The following PLA2G4F variants were observed in gnomAD, a reference collection of about 807,000 sequenced individuals.
The protein encoded by PLA2G4F is cytosolic phospholipase A2 zeta.
In PLA2G4F, 105 loss-of-function variants were observed where a neutral mutation model predicts 103.1. That is an observed-to-expected ratio of 1.02 (90% CI 0.87 to 1.20). The LOEUF is 1.20. PLA2G4F is among the 50% of genes most tolerant of loss of function. PLA2G4F has a pLI of 0.00. For synonymous variants in PLA2G4F, 468 were observed against 441.1 expected (o/e 1.06, Z -0.76); for missense variants, 1,155 against 1,075.9 (o/e 1.07, Z -1.03).
At chr15:42,147,444 G>T in intron 12 of PLA2G4F, 98 bp from the exon 13 acceptor site, 1 of 1,397,518 alleles carries the variant, frequency 7.2e-7, no homozygotes, top group Non-Finnish European at 9.9e-7. Flanking sequence ...CCCACCACTT[G>T]CACTGCTGCC....
At chr15:42,151,164 T>C in intron 7 of PLA2G4F, 1 of 985,302 alleles carries the variant, frequency 1.0e-6, no homozygotes, top group Non-Finnish European at 1.2e-6. Flanking sequence ...GCCTCTTTAC[T>C]CATTGTGTTG....
rs1484635656 is a variant in PLA2G4F, at chr15:42,150,374, TC to T, written c.883del (p.Glu295ArgfsTer7). 2 of 1,603,656 alleles carry T rather than the reference TC, an allele frequency of 1.2e-6. No homozygotes were observed. Among genetic ancestry groups the T allele is most frequent in the Non-Finnish European group, 1.7e-6 (2 of 1,175,884 alleles). ...TCTGGCACCCAGACAGAGCCTTACC[TC>T]CCCCAGGGCCACAGAACACTGTTCC... ...QEEQCSVALG[E>X]GQEVALSMKV... is the part of the protein sequence containing the mutation. On this transcript the variant is annotated frameshift_variant and splice_region_variant, in exon 9 of 20. Transcript: ENST00000397272. LOFTEE classifies it high-confidence loss of function.
rs1314415950 is a variant in PLA2G4F, at chr15:42,147,678, G to A, written c.1144C>T (p.Leu382Phe). 6.2e-7 allele frequency: 1 copy of A among 1,613,946 alleles called. No individual in the cohort carries two copies. Among genetic ancestry groups the A allele is most frequent in the Non-Finnish European group, 8.5e-7 (1 of 1,180,022 alleles). The change falls in exon 12 of 20, where the codon CTC becomes TTC. Residue 382 changes from leucine (L) to phenylalanine (F), a missense_variant. By Grantham distance (22) the Leu-to-Phe change is conservative. This residue lies in a region of PLA2G4F where 782 missense variants were observed against 692.9 expected (regional missense o/e 1.13). Coordinates refer to ENST00000397272, the MANE Select transcript of PLA2G4F (RefSeq NM_213600.4). ...TAGGTCACAGTGTCTAGAAGGCCGA[G>A]CTCCTGCAACCCTGCCAGGCTGCCG... ...LYGSLAGLQE[L>F]GLLDTVTYLS...
chr15:42,151,431 G>A (rs1037134337), intron 7 of PLA2G4F: 4 of 985,232 alleles, frequency 4.1e-6, no homozygotes, highest in African/African-American at 3.5e-5. Context: ...CAGCTTTCTG[G>A]GGAGGAGGCC....
In PLA2G4F at chr15:42,145,671, T is replaced by G; in HGVS notation, c.1684A>C (p.Ser562Arg). The stretch of plus-strand genomic sequence containing the variant: ...TCATCCAGGCTGGTGGCAAAGGCGC[T>G]GCCCCACATACCTAAGGAGACAGGC... The part of the protein sequence containing the change: ...RICYLQGMWG[S>R]AFATSLDEIF... Residue 562 changes from serine to arginine, a missense_variant, in exon 16 of 20, where the codon AGC becomes CGC. This residue lies in a region of PLA2G4F where 782 missense variants were observed against 692.9 expected (regional missense o/e 1.13). Coordinates refer to ENST00000397272, the MANE Select transcript of PLA2G4F (RefSeq NM_213600.4). 1.2e-6 allele frequency: 2 copies of G among 1,614,092 alleles called. No homozygotes were observed. The highest frequency in any genetic ancestry group is 1.7e-6 in the Non-Finnish European group (2 of 1,180,002).
rs1311689157 is a variant in PLA2G4F, at chr15:42,141,390, C to T, written c.*594G>A. ...AGGGCGCTGGGAAGAGAAGGGTGAT[C>T]TGGGAGGAGGCACGAGGAGACCAGA... On this transcript the variant is annotated 3_prime_UTR_variant, in exon 20 of 20. Transcript: ENST00000397272. 4.4e-6 allele frequency: 2 copies of T among 456,422 alleles called. No homozygotes were observed. The highest frequency in any genetic ancestry group is 8.8e-6 in the Non-Finnish European group (2 of 226,822). 28.3% of individuals were successfully genotyped at this position (456,422 alleles called of 1,614,324 possible).
intron 14 of PLA2G4F, 89 bp from the exon 15 acceptor site, chr15:42,145,992 G>A (rs1372326794): frequency 1.9e-6 from 3 of 1,591,958 alleles, no homozygotes; most frequent in Non-Finnish European, 2.6e-6. Flanking sequence ...ACAATGACAG[G>A]AAGAAGCAGC....
intron 7 of PLA2G4F, chr15:42,151,721 A>G: frequency 1.1e-6 from 1 of 896,002 alleles, no homozygotes; most frequent in Non-Finnish European, 1.3e-6. Flanking sequence ...ATGGACTGAG[A>G]TGGAGACGTG....
intron 6 of PLA2G4F, 56 bp downstream of exon 6, chr15:42,153,244 G>T: frequency 6.4e-7 from 1 of 1,553,944 alleles, no homozygotes; most frequent in Non-Finnish European, 8.8e-7. Flanking sequence ...GCCCTGTCAC[G>T]GGTTCCTCAC....
rs1233835601 is a variant in PLA2G4F, at chr15:42,141,340, A to C, written c.*644T>G. On this transcript the variant is annotated 3_prime_UTR_variant, in exon 20 of 20. Transcript: ENST00000397272. ...CACATCTCCCACCTGGAGCAGCCAG[A>C]ATGGGACATCACCCCACAGGCTTTA... is the stretch of plus-strand genomic sequence containing the variant. The C allele has an allele frequency of 2.2e-6, 1 of 456,702 alleles. No individual in the cohort carries two copies. Among genetic ancestry groups the C allele is most frequent in the South Asian group, 1.5e-5 (1 of 64,562 alleles). 28.3% of individuals were successfully genotyped at this position (456,702 alleles called of 1,614,324 possible). A position where few individuals can be genotyped will look rare whatever the true frequency, so the allele number is the denominator to read the frequency against.
At position 42,145,636 on chromosome 15, in the gene PLA2G4F, T is replaced by C. The variant is rs1420724077; in HGVS notation, c.1719A>G (p.Leu573=). The change falls in exon 16 of 20, where the codon CTA becomes CTG. Residue 573 remains leucine, a synonymous_variant. Transcript: ENST00000397272. ...AGCTGAGGCCCGAGCCGGCGGTCTTTAGGAAGATCTCATCCAGGCTGGTGG... is the reference window on the plus strand; with the variant it reads ...AGCTGAGGCCCGAGCCGGCGGTCTTCAGGAAGATCTCATCCAGGCTGGTGG... ...AFATSLDEIF[L]KTAGSGLSFL... The C allele has an allele frequency of 1.9e-6, 3 of 1,614,118 alleles. No individual in the cohort carries two copies. The Admixed American group carries it at 5.0e-5, about 27-fold the overall frequency.
chr15:42,144,100 C>G lies in PLA2G4F; in HGVS notation c.2020G>C (p.Asp674His). The G allele has an allele frequency of 6.2e-7, 1 of 1,613,864 alleles. No homozygotes were observed. The highest frequency in any genetic ancestry group is 8.5e-7 in the Non-Finnish European group (1 of 1,179,922). The change falls in exon 18 of 20, where the codon GAC becomes CAC. Residue 674 changes from aspartate to histidine, a missense_variant. Asp to His is a moderately conservative substitution (Grantham distance 81, BLOSUM62 -1). Coordinates refer to ENST00000397272, the MANE Select transcript of PLA2G4F (RefSeq NM_213600.4). ...AFPNQLTPMR[D>H]CLYLVDGGFA... ...CCTCCGTCCACCAGGTACAGGCAGTCCCGCATGGGGGTGAGCTGGTTGGGG... is the reference window on the plus strand; with the variant it reads ...CCTCCGTCCACCAGGTACAGGCAGTGCCGCATGGGGGTGAGCTGGTTGGGG...
chr15:42,155,474 G>C (rs375705551), intron 2 of PLA2G4F, 43 bp downstream of exon 2: 23 of 1,598,458 alleles, frequency 1.4e-5, no homozygotes, highest in Admixed American at 1.7e-5. Flanking sequence ...TGAGGAAGCC[G>C]CAGGGAAAGG....
intron 11 of PLA2G4F, chr15:42,149,350 A>C (rs2048928500): frequency 1.8e-6 from 1 of 566,744 alleles, no homozygotes; most frequent in African/African-American, 2.1e-5. Context: ...AGGAAGGGCC[A>C]CATGAGGACA....
At chr15:42,155,461 C>G (rs1338521681) in intron 2 of PLA2G4F, 56 bp downstream of exon 2, 2 of 1,575,060 alleles carry the variant, frequency 1.3e-6, no homozygotes, top group Non-Finnish European at 8.7e-7. Context: ...CTGAGCTGAG[C>G]TCTGAGGAAG....
chr15:42,147,939 C>A (rs2140807188), intron 11 of PLA2G4F, 177 bp from the exon 12 acceptor site: 1 of 623,040 alleles, frequency 1.6e-6, no homozygotes, highest in African/African-American at 2.0e-5. Flanking sequence ...GCCTGTAATC[C>A]CAGCACTTCG....
At chr15:42,153,256 GC>G (rs2048977544) in intron 6 of PLA2G4F, 43 bp downstream of exon 6, 4 of 1,580,264 alleles carry the variant, frequency 2.5e-6, no homozygotes, top group African/African-American at 2.7e-5. Context: ...GTTCCTCACT[GC>G]CCCCCAGCCC....
chr15:42,141,221 C>T lies in PLA2G4F; in HGVS notation c.*763G>A. 1 of 456,698 alleles carries T rather than the reference C, an allele frequency of 2.2e-6. No individual in the cohort carries two copies. Among genetic ancestry groups the T allele is most frequent in the South Asian group, 1.5e-5 (1 of 64,570 alleles). The allele number at this position is 456,698 out of a possible 1,614,324, so 28.3% of individuals were successfully genotyped here. On this transcript the variant is annotated 3_prime_UTR_variant, in exon 20 of 20. Coordinates refer to ENST00000397272, the MANE Select transcript of PLA2G4F (RefSeq NM_213600.4). ...CATTTAGCTCCTAGGAATGGTGAGA[C>T]TATATTTGCATGATGTGGCCACTAC...
rs540927209 is a variant in PLA2G4F, at chr15:42,147,112, C to T, written c.1419+12G>A. ...GAGGAGCCTACGTATTTCCTTCTGG[C>T]TCTTCTCTCACCTCCTGGTACAGGA... is the stretch of plus-strand genomic sequence containing the variant. On this transcript the variant is annotated intron_variant, in intron 13 of 19. Coordinates refer to ENST00000397272, the MANE Select transcript of PLA2G4F (RefSeq NM_213600.4). The T allele has an allele frequency of 3.9e-5, 63 of 1,609,592 alleles. 1 individual carries two copies. In the South Asian group the frequency reaches 6.5e-4, roughly 17 times the overall value.
Sources: allele counts gnomAD v4.1 joint callset, GRCh38; gene constraint gnomAD v4.1.1; regional missense constraint gnomAD v4.1.1; transcripts MANE v1.5; gene names NCBI Gene and HGNC (gene_info 2026-07-23, HGNC 2026-07-21).